NAALADL2: variants seen among roughly 807,000 people sequenced by gnomAD.
The protein encoded by NAALADL2 is N-acetylated alpha-linked acidic dipeptidase like 2.
In NAALADL2, 76 loss-of-function variants were observed where a neutral mutation model predicts 87.2. The ratio of observed to expected loss-of-function variants is 0.87; its 90% CI spans 0.72 to 1.05. NAALADL2 has a LOEUF of 1.05. NAALADL2 is among the 50% of genes least tolerant of loss of function. The pLI, the probability that NAALADL2 is intolerant of heterozygous loss-of-function variation, is 0.00. For synonymous variants in NAALADL2, 354 were observed against 331.0 expected, an observed-to-expected ratio of 1.07 and a Z score of -0.75; for missense variants, 1,089 against 945.8, an observed-to-expected ratio of 1.15 and a Z score of -1.99.
chr3:174,458,961 T>C (rs902784918), intron 1 of NAALADL2, among the ~76,000 whole-genome samples: 1 of 152,176 alleles, frequency 6.6e-6, no homozygotes, highest in Admixed American at 6.6e-5. Flanking sequence ...GCTAGCCTTC[T>C]TCTAGGGTGG....
intron 9 of NAALADL2, among the ~76,000 whole-genome samples, chr3:175,536,610 A>T (rs1045806925): frequency 1.3e-5 from 2 of 152,154 alleles, no homozygotes; most frequent in Non-Finnish European, 2.9e-5. Flanking sequence ...TTTAAAAGGT[A>T]TATACCAAAG....
chr3:174,935,178 T>C (rs1737509118), intron 1 of NAALADL2, among the ~76,000 whole-genome samples: 1 of 151,294 alleles, frequency 6.6e-6, no homozygotes, highest in Non-Finnish European at 1.5e-5. Flanking sequence ...AAAAAAAAAA[T>C]GTTCACTTTC....
intron 1 of NAALADL2, among the ~76,000 whole-genome samples, chr3:174,921,459 G>A (rs184880331): frequency 7.4e-4 from 112 of 152,146 alleles, no homozygotes; most frequent in African/African-American, 2.7e-3. Flanking sequence ...ATATTCAAAT[G>A]TGACAGAAAT....
At chr3:174,913,243 A>G (rs938552726) in intron 1 of NAALADL2, among the ~76,000 whole-genome samples, 1 of 152,154 alleles carries the variant, frequency 6.6e-6, no homozygotes. Context: ...CATAATTGCT[A>G]AACCCTTCTT....
At chr3:174,830,615 T>A (rs1228024997) in intron 3 of NAALADL2, among the ~76,000 whole-genome samples, 1 of 152,096 alleles carries the variant, frequency 6.6e-6, no homozygotes, top group African/African-American at 2.4e-5. Flanking sequence ...TGGTTCCATA[T>A]GAACTTTAAA....
chr3:174,651,658 C>A (rs1445186395), intron 2 of NAALADL2, among the ~76,000 whole-genome samples: 4 of 152,088 alleles, frequency 2.6e-5, no homozygotes, highest in Non-Finnish European at 5.9e-5. Context: ...GAACAGAGCT[C>A]AGACTGAGAT....
At chr3:174,499,861 C>T (rs1047086526) in intron 1 of NAALADL2, among the ~76,000 whole-genome samples, 2 of 151,958 alleles carry the variant, frequency 1.3e-5, no homozygotes, top group African/African-American at 4.8e-5. Flanking sequence ...GTAGAGTTAG[C>T]CCAACTGCAA....
chr3:175,161,352 G>A (rs1383045501), intron 2 of NAALADL2, among the ~76,000 whole-genome samples: 1 of 152,102 alleles, frequency 6.6e-6, no homozygotes, highest in Admixed American at 6.6e-5. Context: ...GATGGGTGTG[G>A]AGGAAATAAA....
intron 3 of NAALADL2, among the ~76,000 whole-genome samples, chr3:174,784,882 T>C (rs1716412369): frequency 6.6e-6 from 1 of 152,342 alleles, no homozygotes; most frequent in Non-Finnish European, 1.5e-5. Flanking sequence ...AAGTGTTTCC[T>C]TTTCTTTCTG....
chr3:175,192,771 T>TAAA (rs1738399105), intron 2 of NAALADL2, among the ~76,000 whole-genome samples: 1 of 151,982 alleles, frequency 6.6e-6, no homozygotes, highest in South Asian at 2.1e-4. Context: ...ATCAAATCAG[T>TAAA]AGTTGTTTTG....
intron 2 of NAALADL2, among the ~76,000 whole-genome samples, chr3:174,624,713 T>C (rs1452447877): frequency 6.6e-6 from 1 of 152,184 alleles, no homozygotes; most frequent in Non-Finnish European, 1.5e-5. Context: ...CTAATAGTTA[T>C]TTAGATTGCA....
intron 5 of NAALADL2, among the ~76,000 whole-genome samples, chr3:175,356,217 G>A (rs562640182): frequency 4.3e-4 from 66 of 152,216 alleles, no homozygotes; most frequent in African/African-American, 1.5e-3. Context: ...TTGAGGTATA[G>A]TTCAACAGAA....
chr3:175,414,230 G>A (rs1292070780), intron 5 of NAALADL2, among the ~76,000 whole-genome samples: 1 of 152,164 alleles, frequency 6.6e-6, no homozygotes, highest in Non-Finnish European at 1.5e-5. Flanking sequence ...GATTTTATTT[G>A]TGTTTCTTTG....
chr3:175,757,378 A>G (rs534481188), intron 13 of NAALADL2, among the ~76,000 whole-genome samples: 31 of 152,226 alleles, frequency 2.0e-4, no homozygotes, highest in Admixed American at 1.0e-3. Context: ...GGACCACGTG[A>G]GGTTTAAGGT....
At chr3:175,349,103 G>A (rs2148867834) in intron 5 of NAALADL2, among the ~76,000 whole-genome samples, 1 of 151,736 alleles carries the variant, frequency 6.6e-6, no homozygotes, top group African/African-American at 2.4e-5. Flanking sequence ...GATATATAGG[G>A]GTGACTGAAA....
At chr3:175,081,350 T>G (rs1353784966) in intron 1 of NAALADL2, 1 of 152,218 alleles carries the variant, frequency 6.6e-6, no homozygotes, top group East Asian at 1.9e-4. Flanking sequence ...GCGTTTAGTA[T>G]AAATGATTTT....
At chr3:174,730,416 C>T (rs919309024) in intron 2 of NAALADL2, among the ~76,000 whole-genome samples, 11 of 151,962 alleles carry the variant, frequency 7.2e-5, no homozygotes, top group East Asian at 1.9e-4. Context: ...CATCCAGGCC[C>T]GTATTTTCCA....
At chr3:174,644,127 A>G (rs1723538923) in intron 2 of NAALADL2, among the ~76,000 whole-genome samples, 1 of 152,172 alleles carries the variant, frequency 6.6e-6, no homozygotes, top group South Asian at 2.1e-4. Flanking sequence ...TCATTTATTC[A>G]CTAAAAATCA....
chr3:175,347,431 A>C (rs2148862679), intron 5 of NAALADL2, among the ~76,000 whole-genome samples: 1 of 152,322 alleles, frequency 6.6e-6, no homozygotes, highest in South Asian at 2.1e-4. Flanking sequence ...TATTAGACTC[A>C]GAGCACAGAG....
Sources: allele counts gnomAD v4.1 joint callset (sites outside exome capture counted in the v4.1 genomes callset), GRCh38; gene constraint gnomAD v4.1.1; transcripts MANE v1.5; gene names NCBI Gene and HGNC (gene_info 2026-07-23, HGNC 2026-07-21).